Variants in SPATS2 observed in about 807,000 individuals in gnomAD.
The protein encoded by SPATS2 is spermatogenesis associated serine rich 2, also known as spermatogenesis-associated serine-rich protein 2.
SPATS2 carries 38 observed loss-of-function variants against 63.7 expected under a neutral mutation model. The observed-to-expected ratio is 0.60, with a 90% confidence interval of 0.46 to 0.78. SPATS2 has a LOEUF of 0.78. Among genes scored for constraint, SPATS2 ranks in the 30% least tolerant of loss-of-function variants. SPATS2 has a pLI of 0.00. For missense variants in SPATS2, 588 were observed against 666.2 expected, an observed-to-expected ratio of 0.88 and a Z score of 1.29; for synonymous variants, 207 against 232.9, an observed-to-expected ratio of 0.89 and a Z score of 1.01.
intron 2 of SPATS2, among the ~76,000 whole-genome samples, chr12:49,458,385 T>C (rs1945756915): frequency 6.6e-6 from 1 of 151,970 alleles, no homozygotes; most frequent in African/African-American, 2.4e-5. Context: ...GGTTAATCGT[T>C]TGAACCCAGG....
chr12:49,368,503 T>C (rs1423592274), intron 1 of SPATS2, among the ~76,000 whole-genome samples: 1 of 152,200 alleles, frequency 6.6e-6, no homozygotes, highest in Non-Finnish European at 1.5e-5. Context: ...AGGTGATGGA[T>C]AAAATTAAGT....
chr12:49,379,586 G>A (rs1456391174), intron 2 of SPATS2, among the ~76,000 whole-genome samples: 12 of 143,832 alleles, frequency 8.3e-5, no homozygotes, highest in African/African-American at 1.8e-4. Context: ...AAAATTAACC[G>A]TTTTATGTCC....
At chr12:49,518,936 T>C (rs942942386) in intron 10 of SPATS2, 137 bp from the exon 11 acceptor site, 1 of 544,476 alleles carries the variant, frequency 1.8e-6, no homozygotes, top group Non-Finnish European at 3.1e-6. Context: ...GACCAGACTT[T>C]TGATATTTTC....
At position 49,463,098 on chromosome 12, in the gene SPATS2, G is replaced by T. The variant is rs551585820; in HGVS notation, c.25+2061G>T. ...ATGAATTTAAATATTAACTATAAAA[G>T]AATTTAAATTTTAGACTACAACATA... On this transcript the variant is annotated intron_variant, in intron 3 of 13. Coordinates refer to ENST00000552918, the MANE Select transcript of SPATS2 (RefSeq NM_023071.4). The T allele has an allele frequency of 3.9e-5, 6 of 152,012 alleles. No homozygotes were observed. The East Asian group carries it at 9.7e-4, about 24-fold the overall frequency. 9.4% of individuals were successfully genotyped at this position (152,012 alleles called of 1,614,324 possible). A position where few individuals can be genotyped will look rare whatever the true frequency, so the allele number is the denominator to read the frequency against.
At chr12:49,485,390 C>T (rs922912300) in intron 4 of SPATS2, among the ~76,000 whole-genome samples, 23 of 152,098 alleles carry the variant, frequency 1.5e-4, no homozygotes, top group African/African-American at 4.6e-4. Context: ...GAGACAGAGT[C>T]TCACTCTGTC....
intron 2 of SPATS2, among the ~76,000 whole-genome samples, chr12:49,393,237 T>A (rs1393609111): frequency 6.6e-6 from 1 of 152,136 alleles, no homozygotes; most frequent in African/African-American, 2.4e-5. Flanking sequence ...TTTTCCATTC[T>A]TAGTTTCCTC....
intron 3 of SPATS2, chr12:49,461,339 G>T: frequency 3.8e-6 from 1 of 262,244 alleles, no homozygotes; most frequent in Non-Finnish European, 7.1e-6. Flanking sequence ...GATATTCTAT[G>T]TTGTTTGAGT....
intron 2 of SPATS2, among the ~76,000 whole-genome samples, chr12:49,396,771 A>G (rs910266620): frequency 1.7e-4 from 26 of 152,104 alleles, no homozygotes; most frequent in African/African-American, 6.3e-4. Context: ...TTGTTTCTTA[A>G]TTTATGCTCA....
At chr12:49,498,751 G>A (rs1946510508) in intron 8 of SPATS2, among the ~76,000 whole-genome samples, 1 of 139,014 alleles carries the variant, frequency 7.2e-6, no homozygotes, top group South Asian at 2.3e-4. Context: ...TTCTTACCAC[G>A]CTTATGCTTT....
chr12:49,502,485 C>T (rs761505695), intron 9 of SPATS2, among the ~76,000 whole-genome samples: 42 of 152,150 alleles, frequency 2.8e-4, no homozygotes, highest in Non-Finnish European at 2.8e-4. Flanking sequence ...GGGTCTGGCT[C>T]TGTCACCCAG....
chr12:49,384,935 G>A (rs1042403927), intron 2 of SPATS2, among the ~76,000 whole-genome samples: 9 of 151,780 alleles, frequency 5.9e-5, no homozygotes, highest in South Asian at 2.1e-4. Context: ...TCATCCTCCC[G>A]AGTAGCTGGG....
intron 9 of SPATS2, among the ~76,000 whole-genome samples, chr12:49,503,390 C>T (rs2137967436): frequency 6.6e-6 from 1 of 150,724 alleles, no homozygotes; most frequent in Admixed American, 6.7e-5. Flanking sequence ...TGGCTCATGC[C>T]TGTAATCCCA....
At position 49,494,851 on chromosome 12, in the gene SPATS2, G is replaced by A. The variant is rs1230165561; in HGVS notation, c.375G>A (p.Glu125=). 1.2e-6 allele frequency: 2 copies of A among 1,613,924 alleles called. No homozygotes were observed. The highest frequency in any genetic ancestry group is 1.7e-6 in the Non-Finnish European group (2 of 1,180,018). The change falls in exon 7 of 14, where the codon GAG becomes GAA. Residue 125 remains glutamate (E), a synonymous_variant. Coordinates refer to ENST00000552918, the MANE Select transcript of SPATS2 (RefSeq NM_023071.4). ...AGGAACAGTCTGCGCCTTCCTCAGAGAAAGGTGGTATGAATGGCTACCATG... is the reference window on the plus strand; with the variant it reads ...AGGAACAGTCTGCGCCTTCCTCAGAAAAAGGTGGTATGAATGGCTACCATG... ...IQEEQSAPSS[E]KGGMNGYHVN... is the part of the protein sequence containing the mutation.
chr12:49,514,759 ATATGAATC>A, intron 10 of SPATS2, 146 bp downstream of exon 10: 1 of 613,262 alleles, frequency 1.6e-6, no homozygotes. Context: ...CTGTACTGGC[ATATGAATC>A]CTTTCAGGTG....
chr12:49,413,037 C>T (rs1246091992), intron 2 of SPATS2, among the ~76,000 whole-genome samples: 3 of 152,030 alleles, frequency 2.0e-5, no homozygotes, highest in Admixed American at 1.3e-4. Flanking sequence ...TCCCGAGTCT[C>T]AGGCTGGGGT....
intron 2 of SPATS2, chr12:49,389,697 C>T: frequency 6.5e-7 from 1 of 1,545,532 alleles, no homozygotes; most frequent in Non-Finnish European, 8.9e-7. Flanking sequence ...AGAACATCGG[C>T]CACGGTCCAC....
intron 2 of SPATS2, among the ~76,000 whole-genome samples, chr12:49,383,253 A>G (rs1214802008): frequency 6.6e-6 from 1 of 152,200 alleles, no homozygotes. Flanking sequence ...TCCTGACCTC[A>G]GGTGATCCGC....
At chr12:49,460,530 C>T (rs1352016403) in intron 2 of SPATS2, among the ~76,000 whole-genome samples, 1 of 152,124 alleles carries the variant, frequency 6.6e-6, no homozygotes, top group Non-Finnish European at 1.5e-5. Flanking sequence ...GGGGATATTT[C>T]AGATGGATAC....
chr12:49,454,667 C>T (rs1035204726), intron 2 of SPATS2, among the ~76,000 whole-genome samples: 10 of 151,942 alleles, frequency 6.6e-5, no homozygotes, highest in African/African-American at 1.9e-4. Flanking sequence ...AGGATTGCTT[C>T]GGCCTAGGAG....
Sources: gnomAD v4.1 joint callset for allele counts (sites outside exome capture counted in the v4.1 genomes callset) on GRCh38, gnomAD v4.1.1 for gene constraint, MANE v1.5 for transcripts, NCBI Gene and HGNC (gene_info 2026-07-23, HGNC 2026-07-21) for gene names.